TLL1: variants seen among roughly 807,000 people sequenced by gnomAD.
The protein encoded by TLL1 is tolloid like 1, also known as tolloid-like protein 1.
In TLL1, 49 loss-of-function variants were observed where a neutral mutation model predicts 128.2. That is an observed-to-expected ratio of 0.38 (90% CI 0.30 to 0.48). TLL1 has a LOEUF of 0.48. TLL1 is among the 20% of genes least tolerant of loss of function. The pLI is 0.96. For synonymous variants in TLL1, 454 were observed against 418.8 expected (o/e 1.08, Z -1.03); for missense variants, 1,123 against 1,242.0 (o/e 0.90, Z 1.44).
chr4:166,014,293 AAAGCCTGATACACTGCTTAAAGCACAC>A, intron 7 of TLL1, 116 bp from the exon 8 acceptor site: 1 of 1,206,044 alleles, frequency 8.3e-7, no homozygotes. Context: ...AAGTGTTTTG[AAAGCCTGATACACTGCTTAAAGCACAC>A]AAGGTGTAGT....
At chr4:165,889,247 C>T (rs182730684) in intron 1 of TLL1, among the ~76,000 whole-genome samples, 71 of 152,108 alleles carry the variant, frequency 4.7e-4, no homozygotes, top group African/African-American at 1.3e-3. Flanking sequence ...ACTCATTTAT[C>T]GTTATATATC....
chr4:165,897,878 A>C (rs1043572844), intron 1 of TLL1, among the ~76,000 whole-genome samples: 1 of 151,990 alleles, frequency 6.6e-6, no homozygotes, highest in Non-Finnish European at 1.5e-5. Context: ...ATGTTTTTCC[A>C]TTTGATTGTG....
intron 16 of TLL1, among the ~76,000 whole-genome samples, chr4:166,072,659 G>A (rs1740846661): frequency 6.6e-6 from 1 of 151,628 alleles, no homozygotes; most frequent in East Asian, 1.9e-4. Flanking sequence ...CTAGAATGAA[G>A]TTTGGATATT....
At chr4:166,075,985 A>T (rs1340252153) in intron 17 of TLL1, among the ~76,000 whole-genome samples, 1 of 152,204 alleles carries the variant, frequency 6.6e-6, no homozygotes, top group Non-Finnish European at 1.5e-5. Context: ...ATGGATAAGC[A>T]TAATATCCAT....
intron 1 of TLL1, among the ~76,000 whole-genome samples, chr4:165,954,740 G>T (rs748234265): frequency 2.6e-5 from 4 of 152,046 alleles, no homozygotes; most frequent in Non-Finnish European, 5.9e-5. Context: ...GTAATTGACT[G>T]CACTCAATAT....
At chr4:166,005,193 GT>G (rs922180018) in intron 6 of TLL1, among the ~76,000 whole-genome samples, 1 of 151,938 alleles carries the variant, frequency 6.6e-6, no homozygotes, top group African/African-American at 2.4e-5. Flanking sequence ...AAAACAGCAT[GT>G]TTTTGAGAAA....
intron 10 of TLL1, 98 bp downstream of exon 10, chr4:166,039,539 G>T: frequency 1.2e-6 from 1 of 822,776 alleles, no homozygotes; most frequent in Non-Finnish European, 2.0e-6. Flanking sequence ...AGTTAAAAAT[G>T]TGTGTGACTA....
chr4:165,927,185 T>G (rs185678923), intron 1 of TLL1, among the ~76,000 whole-genome samples: 8 of 152,228 alleles, frequency 5.3e-5, no homozygotes, highest in African/African-American at 1.7e-4. Context: ...AAACAATAGA[T>G]AGTTTTTGGA....
chr4:166,005,981 C>T (rs1449824177), intron 6 of TLL1, among the ~76,000 whole-genome samples: 2 of 151,696 alleles, frequency 1.3e-5, no homozygotes, highest in Admixed American at 6.6e-5. Flanking sequence ...GGTGAGATTT[C>T]CTGAATGATG....
In TLL1 at chr4:166,100,801, C is replaced by T; in HGVS notation, c.2967C>T (p.Asp989=). ...TTTTAATTCATTTCCACACTGATGA[C>T]ACAATCAACAAGAAGGGATTTCATA... ...DSVLIHFHTD[D]TINKKGFHIR... Residue 989 remains aspartate, a synonymous_variant, in exon 21 of 21, where the codon GAC becomes GAT. Transcript: ENST00000061240. 1.2e-6 allele frequency: 2 copies of T among 1,613,030 alleles called. No homozygotes were observed. The highest frequency in any genetic ancestry group is 2.2e-5 in the East Asian group (1 of 44,746).
intron 9 of TLL1, among the ~76,000 whole-genome samples, chr4:166,025,896 A>G (rs987350260): frequency 1.2e-4 from 19 of 152,186 alleles, no homozygotes; most frequent in African/African-American, 4.6e-4. Flanking sequence ...CTTAAATACT[A>G]CAGTAGGAAA....
intron 1 of TLL1, among the ~76,000 whole-genome samples, chr4:165,967,257 T>A (rs1847276): frequency 0.61 from 92,137 of 152,046 alleles, 29,327 homozygotes; most frequent in Admixed American, 0.72. Context: ...AGATTTCATA[T>A]TGTTCAAACA....
At chr4:165,967,548 C>T (rs778731471) in intron 1 of TLL1, among the ~76,000 whole-genome samples, 1 of 152,124 alleles carries the variant, frequency 6.6e-6, no homozygotes, top group Non-Finnish European at 1.5e-5. Context: ...GTTTGGGGTT[C>T]CTGACTGCCC....
In TLL1 at chr4:165,989,477, T is replaced by C. The variant is rs199971582; in HGVS notation, c.266T>C (p.Leu89Pro). 5.6e-6 allele frequency: 9 copies of C among 1,611,656 alleles called. No individual in the cohort carries two copies. The East Asian group carries it at 2.0e-4, about 36-fold the overall frequency. Residue 89 changes from leucine to proline, a missense_variant, in exon 2 of 21, where the codon CTT becomes CCT. By Grantham distance (98) the Leu-to-Pro change is moderately conservative. This residue lies in a region of TLL1 where 480 missense variants were observed against 542.4 expected (regional missense o/e 0.89). Transcript: ENST00000061240. ...IDLTQNPFGN[L>P]GHTTGGLGDH... The stretch of plus-strand genomic sequence containing the variant: ...CTTACGCAGAACCCCTTTGGAAACC[T>C]TGGACATACCACAGGTATGGTTGAT...
At chr4:165,892,410 T>A (rs761452118) in intron 1 of TLL1, among the ~76,000 whole-genome samples, 3 of 152,204 alleles carry the variant, frequency 2.0e-5, no homozygotes, top group African/African-American at 4.8e-5. Flanking sequence ...AAATTCCTCA[T>A]GTAAGAGGCA....
chr4:165,938,054 G>A (rs953689451), intron 1 of TLL1, among the ~76,000 whole-genome samples: 1 of 151,498 alleles, frequency 6.6e-6, no homozygotes, highest in Non-Finnish European at 1.5e-5. Flanking sequence ...TTGGCATTAC[G>A]GGTTGATACT....
intron 19 of TLL1, 108 bp from the exon 20 acceptor site, chr4:166,099,169 A>G (rs1742163177): frequency 6.5e-7 from 1 of 1,531,780 alleles, no homozygotes; most frequent in African/African-American, 1.4e-5. Context: ...CTGGAAGTAG[A>G]AACAGAAGTT....
Position 166,101,631 on chromosome 4 carries a change from G to A in TLL1, c.*755G>A, listed in dbSNP as rs918141335. 6.6e-6 allele frequency: 1 copy of A among 152,376 alleles called. No individual in the cohort carries two copies. Among genetic ancestry groups the A allele is most frequent in the Non-Finnish European group, 1.5e-5 (1 of 67,984 alleles). The allele number at this position is 152,376 out of a possible 1,614,324, so 9.4% of individuals were successfully genotyped here. Reference sequence around the variant, plus strand: ...GTAAACTTAGTTCTTTTTTTTGGAAGTGCTGCCTTTTCACACCAAATCCAA... The same window carrying A: ...GTAAACTTAGTTCTTTTTTTTGGAAATGCTGCCTTTTCACACCAAATCCAA... On this transcript the variant is annotated 3_prime_UTR_variant, in exon 21 of 21. Transcript: ENST00000061240.
Position 165,874,063 on chromosome 4 carries a change from G to A in TLL1, c.159G>A (p.Pro53=), listed in dbSNP as rs1043327350. 1.9e-6 allele frequency: 3 copies of A among 1,614,136 alleles called. No homozygotes were observed. Among genetic ancestry groups the A allele is most frequent in the Non-Finnish European group, 2.5e-6 (3 of 1,180,000 alleles). The change falls in exon 1 of 21, where the codon CCG becomes CCA. Residue 53 remains proline (P), a synonymous_variant. Coordinates refer to ENST00000061240, the MANE Select transcript of TLL1 (RefSeq NM_012464.5). The part of the protein sequence containing the change: ...DKTETIDYKD[P]CKAAVFWGDI... ...CAGAGACTATAGATTACAAGGACCCGTGTAAAGCCGGTAAGTGGCTCTCCA... is the reference window on the plus strand; with the variant it reads ...CAGAGACTATAGATTACAAGGACCCATGTAAAGCCGGTAAGTGGCTCTCCA...
Sources: allele counts gnomAD v4.1 joint callset (sites outside exome capture counted in the v4.1 genomes callset), GRCh38; gene constraint gnomAD v4.1.1; regional missense constraint gnomAD v4.1.1; transcripts MANE v1.5; gene names NCBI Gene and HGNC (gene_info 2026-07-23, HGNC 2026-07-21).